The following TXNRD1 variants were observed in gnomAD, a reference collection of about 807,000 sequenced individuals.
TXNRD1 encodes the protein thioredoxin reductase 1, also known as thioredoxin reductase 1, cytoplasmic.
Under a neutral mutation model 80.3 loss-of-function variants are expected in TXNRD1, and 57 were observed. That is an observed-to-expected ratio of 0.71 (90% CI 0.57 to 0.89). The LOEUF is 0.89. Ranked by LOEUF, TXNRD1 falls within the 40% of genes least tolerant of loss-of-function variation. TXNRD1 has a pLI of 0.00. For missense variants in TXNRD1, 730 were observed against 803.0 expected, an observed-to-expected ratio of 0.91 and a Z score of 1.10; for synonymous variants, 291 against 285.2, an observed-to-expected ratio of 1.02 and a Z score of -0.20.
intron 4 of TXNRD1, chr12:104,303,728 C>A: frequency 1.2e-6 from 1 of 832,056 alleles, no homozygotes; most frequent in Non-Finnish European, 1.7e-6. Flanking sequence ...CGGGCCGGGC[C>A]GCTAGTGCGC....
At chr12:104,310,210 C>T (rs1440594930) in intron 4 of TXNRD1, 23 of 1,174,136 alleles carry the variant, frequency 2.0e-5, no homozygotes, top group South Asian at 3.3e-5. Context: ...AGTGCAGTGG[C>T]GCAATCTTGG....
chr12:104,308,332 G>A (rs1002354645), intron 4 of TXNRD1, among the ~76,000 whole-genome samples: 1 of 152,072 alleles, frequency 6.6e-6, no homozygotes, highest in Non-Finnish European at 1.5e-5. Context: ...TGTAAACTGT[G>A]AAGTTTTCCA....
In TXNRD1 at chr12:104,252,662, T is replaced by TATATATATATATA. The variant is rs756948232; in HGVS notation, c.243+984_243+985insATATATATATATA. Among the ~76,000 whole-genome samples the TATATATATATATA allele has an allele frequency of 1.9e-3, 88 of 45,776 alleles. 3 individuals are homozygous for TATATATATATATA. Among genetic ancestry groups the TATATATATATATA allele is most frequent in the African/African-American group, 2.9e-3 (34 of 11,724 alleles). The allele number at this position is 45,776 out of a possible 152,430, so 30.0% of individuals were successfully genotyped here. A position where few individuals can be genotyped will look rare whatever the true frequency, so the allele number is the denominator to read the frequency against. ...CACTGAGAGGTTAATTTATTATTTT[T>TATATATATATATA]TATATATATATATATATATATATAT... is the stretch of plus-strand genomic sequence containing the variant. On this transcript the variant is annotated intron_variant, in intron 2 of 16. Coordinates refer to ENST00000525566, the MANE Select transcript of TXNRD1 (RefSeq NM_001093771.3).
intron 1 of TXNRD1, chr12:104,224,949 G>T (rs949675539): frequency 4.4e-6 from 2 of 456,126 alleles, no homozygotes; most frequent in Non-Finnish European, 8.8e-6. Flanking sequence ...ATTTTTTACA[G>T]TGTATTTCCA....
chr12:104,339,337 C>A, intron 16 of TXNRD1, 64 bp downstream of exon 16: 1 of 1,596,474 alleles, frequency 6.3e-7, no homozygotes, highest in South Asian at 1.1e-5. Context: ...GCACACCACC[C>A]AGCTTATACA....
chr12:104,345,975 A>T (rs950629516), intron 16 of TXNRD1: 1 of 1,288,778 alleles, frequency 7.8e-7, no homozygotes, highest in African/African-American at 1.5e-5. Flanking sequence ...TAAAAATTCT[A>T]AAACAGTTGT....
At chr12:104,258,168 G>C in intron 3 of TXNRD1, 89 bp downstream of exon 3, 1 of 1,064,744 alleles carries the variant, frequency 9.4e-7, no homozygotes, top group East Asian at 2.7e-5. Context: ...TCTTCCTTGA[G>C]GTTTTTATTG....
intron 16 of TXNRD1, among the ~76,000 whole-genome samples, chr12:104,341,842 G>A (rs1039035504): frequency 1.3e-5 from 2 of 152,132 alleles, no homozygotes; most frequent in East Asian, 1.9e-4. Context: ...CTGTACTTCT[G>A]ACCTACCAGC....
At position 104,252,655 on chromosome 12, in the gene TXNRD1, TTATTTTTTA is replaced by T. The variant is rs1185632528; in HGVS notation, c.243+981_243+989del. ...CCAGGTTCACTGAGAGGTTAATTTATTATTTTTTATATATATATATATATATATATATAT... is the reference window on the plus strand; with the variant it reads ...CCAGGTTCACTGAGAGGTTAATTTATTATATATATATATATATATATATAT... On this transcript the variant is annotated intron_variant, in intron 2 of 16. Transcript: ENST00000525566. Among the ~76,000 whole-genome samples the T allele has an allele frequency of 2.8e-4, 6 of 21,358 alleles. No individual in the cohort carries two copies. The South Asian group carries it at 6.2e-3, about 22-fold the overall frequency. The allele number at this position is 21,358 out of a possible 152,430, so 14.0% of individuals were successfully genotyped here.
intron 7 of TXNRD1, among the ~76,000 whole-genome samples, chr12:104,316,611 G>C (rs182258717): frequency 6.6e-6 from 1 of 152,004 alleles, no homozygotes; most frequent in Non-Finnish European, 1.5e-5. Context: ...GGATGGTCTC[G>C]ATCTCCTGAC....
chr12:104,279,157 G>A (rs1196018150), intron 3 of TXNRD1, among the ~76,000 whole-genome samples: 1 of 152,198 alleles, frequency 6.6e-6, no homozygotes, highest in African/African-American at 2.4e-5. Flanking sequence ...TGTGGTGAGT[G>A]GCTATTGGGT....
chr12:104,217,585 C>T (rs954589749), intron 1 of TXNRD1, among the ~76,000 whole-genome samples: 10 of 152,306 alleles, frequency 6.6e-5, no homozygotes, highest in Non-Finnish European at 1.5e-4. Context: ...GCTGGGATTA[C>T]AGGCATGAGC....
rs963300418 is a variant in TXNRD1, at chr12:104,261,947, C to T, written c.304+3868C>T. On this transcript the variant is annotated intron_variant, in intron 3 of 16. Transcript: ENST00000525566. ...GTTTTTAGTAGAGACAGGTTTTCACCGTGTTGGTCAGGCTGGTCTCAAACT... is the reference window on the plus strand; with the variant it reads ...GTTTTTAGTAGAGACAGGTTTTCACTGTGTTGGTCAGGCTGGTCTCAAACT... Among the ~76,000 whole-genome samples, 6 of 152,022 alleles carry T rather than the reference C, an allele frequency of 3.9e-5. No homozygotes were observed. In the East Asian group the frequency reaches 5.9e-4, roughly 15 times the overall value.
At chr12:104,313,372 A>G in intron 6 of TXNRD1, 55 bp downstream of exon 6, 1 of 1,381,428 alleles carries the variant, frequency 7.2e-7, no homozygotes, top group South Asian at 1.4e-5. Context: ...TTCCCCTGGC[A>G]ATAATCTAAC....
intron 1 of TXNRD1, among the ~76,000 whole-genome samples, chr12:104,233,674 A>G (rs775145025): frequency 2.6e-5 from 4 of 152,132 alleles, no homozygotes; most frequent in Non-Finnish European, 4.4e-5. Flanking sequence ...GGTGCCAGCC[A>G]CTACGCCTGG....
At chr12:104,310,232 G>T in intron 4 of TXNRD1, 1 of 1,012,208 alleles carries the variant, frequency 9.9e-7, no homozygotes, top group East Asian at 2.7e-5. Flanking sequence ...TCACTGCAAC[G>T]TCTGCCTCCC....
At position 104,230,137 on chromosome 12, in the gene TXNRD1, T is replaced by G. The variant is rs547425937; in HGVS notation, c.91+14244T>G. ...CAGGCTGGAGTGCAGTGGTGTGATC[T>G]TGGCTCACTGCAACCTCCACCTCCC... On this transcript the variant is annotated intron_variant, in intron 1 of 16. Coordinates refer to ENST00000525566, the MANE Select transcript of TXNRD1 (RefSeq NM_001093771.3). 3.3e-5 allele frequency among the ~76,000 whole-genome samples: 5 copies of G among 152,202 alleles called. No homozygotes were observed. The East Asian group carries it at 9.7e-4, about 30-fold the overall frequency.
At chr12:104,250,781 A>G (rs953715477) in intron 1 of TXNRD1, among the ~76,000 whole-genome samples, 2 of 152,206 alleles carry the variant, frequency 1.3e-5, no homozygotes, top group South Asian at 4.1e-4. Flanking sequence ...AACAAGTAGT[A>G]AGGGTGGGCT....
chr12:104,253,219 A>C (rs1289917975), intron 2 of TXNRD1, among the ~76,000 whole-genome samples: 1 of 152,100 alleles, frequency 6.6e-6, no homozygotes, highest in Non-Finnish European at 1.5e-5. Context: ...CAAGTAAAGA[A>C]AAAGGAAGGT....
Sources: allele counts gnomAD v4.1 joint callset (sites outside exome capture counted in the v4.1 genomes callset), GRCh38; gene constraint gnomAD v4.1.1; transcripts MANE v1.5; gene names NCBI Gene and HGNC (gene_info 2026-07-23, HGNC 2026-07-21).